Variants in DCST1 observed in about 807,000 individuals in gnomAD.
DCST1 encodes E3 ubiquitin-protein ligase DCST1.
A neutral mutation model predicts 89.1 loss-of-function variants in DCST1; 78 were observed. That is an observed-to-expected ratio of 0.88 (90% CI 0.73 to 1.06). The LOEUF (loss-of-function observed/expected upper bound fraction) is 1.06. DCST1 is among the 50% of genes least tolerant of loss of function. DCST1 has a pLI of 0.00. For missense variants in DCST1, 900 were observed against 928.6 expected, an observed-to-expected ratio of 0.97 and a Z score of 0.40; for synonymous variants, 364 against 371.9, an observed-to-expected ratio of 0.98 and a Z score of 0.24.
chr1:155,042,797 T>A lies in DCST1; in HGVS notation c.955T>A (p.Ser319Thr). The A allele has an allele frequency of 6.2e-7, 1 of 1,614,156 alleles. No homozygotes were observed. The highest frequency in any genetic ancestry group is 8.5e-7 in the Non-Finnish European group (1 of 1,180,034). The change falls in exon 9 of 17, where the codon TCC (serine) becomes ACC (threonine). Residue 319 changes from serine (S) to threonine (T), a missense_variant. Transcript: ENST00000295542. ...VEGNFGQTYD[S>T]LNQSIRGLDG... ...AGGCAACTTTGGGCAGACCTACGAC[T>A]CCCTCAACCAGTCTATTCGTGGCCT...
intron 16 of DCST1, among the ~76,000 whole-genome samples, chr1:155,048,611 A>G (rs1660741933): frequency 6.6e-6 from 1 of 152,166 alleles, no homozygotes; most frequent in Non-Finnish European, 1.5e-5. Flanking sequence ...AGCCCGGTGT[A>G]ATCTGATGCA....
At chr1:155,045,851 AACC>A in intron 10 of DCST1, 39 bp from the exon 11 acceptor site, 1 of 1,551,766 alleles carries the variant, frequency 6.4e-7, no homozygotes, top group Non-Finnish European at 8.9e-7. Flanking sequence ...AGATGAGGAG[AACC>A]TGGAAGAGAT....
In DCST1 at chr1:155,042,887, G is replaced by T. The variant is rs761531818; in HGVS notation, c.1014+31G>T. On this transcript the variant is annotated intron_variant, in intron 9 of 16. Transcript: ENST00000295542. ...AGGCAAGGGCGAGGGTTGGTGGGGG[G>T]TAGATAGGGAGTGGGAGGAGGGCAT... 6.2e-6 allele frequency: 10 copies of T among 1,612,462 alleles called. No individual in the cohort carries two copies. The Middle Eastern group carries it at 9.9e-4, about 160-fold the overall frequency.
chr1:155,034,248 G>A, intron 2 of DCST1, 151 bp downstream of exon 2: 1 of 1,544,130 alleles, frequency 6.5e-7, no homozygotes, highest in South Asian at 1.1e-5. Flanking sequence ...CCCAGCCCTT[G>A]CCTTTGCTGT....
At chr1:155,046,055 T>C in intron 11 of DCST1, 63 bp downstream of exon 11, 1 of 1,613,504 alleles carries the variant, frequency 6.2e-7, no homozygotes, top group Admixed American at 1.7e-5. Context: ...GGGTTCATGC[T>C]CCAGGAAGGC....
intron 4 of DCST1, 47 bp from the exon 5 acceptor site, chr1:155,039,356 G>C (rs770195438): frequency 2.7e-6 from 4 of 1,470,258 alleles, no homozygotes; most frequent in Non-Finnish European, 2.7e-6. Context: ...GAGGAAGGGA[G>C]GCAGCTTCCT....
At chr1:155,037,231 G>A (rs911667572) in intron 4 of DCST1, among the ~76,000 whole-genome samples, 1 of 152,088 alleles carries the variant, frequency 6.6e-6, no homozygotes, top group African/African-American at 2.4e-5. Context: ...GAGCCCTGGA[G>A]TGGCCTCATG....
upstream of DCST1, chr1:155,033,808 A>G: frequency 6.7e-7 from 1 of 1,494,648 alleles, no homozygotes; most frequent in Non-Finnish European, 9.0e-7. Flanking sequence ...TTCACTGCAT[A>G]TGTCTTGGAA....
chr1:155,050,855 C>T lies in DCST1; in HGVS notation c.2108C>T (p.Ala703Val). The T allele has an allele frequency of 1.2e-6, 2 of 1,609,992 alleles. No individual in the cohort carries two copies. Among genetic ancestry groups the T allele is most frequent in the South Asian group, 2.2e-5 (2 of 90,982 alleles). ...SAFSDSNDDTAYAG is the reference protein window; with the variant it reads ...SAFSDSNDDTVYAG ...TTTAGTGACAGCAACGACGACACTG[C>T]CTACGCGGGGTGAAGAGGCGTCCTG... The change falls in exon 17 of 17, where the codon GCC (alanine) becomes GTC (valine). Residue 703 changes from alanine (A) to valine (V), a missense_variant. Coordinates refer to ENST00000295542, the MANE Select transcript of DCST1 (RefSeq NM_152494.4).
rs1442240890 is a variant in DCST1 at position 155,048,319 on chromosome 1, TCTCAC to T, written c.1869+150_1869+154del. On this transcript the variant is annotated intron_variant, in intron 16 of 16. Transcript: ENST00000295542. ...GTTCTTTTTATTTTTTGAGATGGAATCTCACTGTGTCGCCCAGGCTGGAGTGCAGT... is the reference window on the plus strand; with the variant it reads ...GTTCTTTTTATTTTTTGAGATGGAATTGTGTCGCCCAGGCTGGAGTGCAGT... The T allele has an allele frequency of 4.5e-6, 3 of 663,026 alleles. No individual in the cohort carries two copies. The African/African-American group carries it at 5.4e-5, about 12-fold the overall frequency. 41.1% of individuals were successfully genotyped at this position (663,026 alleles called of 1,614,324 possible). A position where few individuals can be genotyped will look rare whatever the true frequency, so the allele number is the denominator to read the frequency against.
intron 10 of DCST1, among the ~76,000 whole-genome samples, chr1:155,043,721 C>T (rs954220752): frequency 1.3e-5 from 2 of 152,188 alleles, no homozygotes; most frequent in Admixed American, 1.3e-4. Context: ...AAAAGGCCAA[C>T]CGTCTTCATT....
chr1:155,033,857 AG>A lies in DCST1; in HGVS notation c.-66+5del, dbSNP rs1383333165. 3.1e-6 allele frequency: 4 copies of A among 1,297,600 alleles called. No individual in the cohort carries two copies. The highest frequency in any genetic ancestry group is 3.2e-6 in the Non-Finnish European group (3 of 944,378). The allele number at this position is 1,297,600 out of a possible 1,614,324, so 80.4% of individuals were successfully genotyped here. A position where few individuals can be genotyped will look rare whatever the true frequency, so the allele number is the denominator to read the frequency against. ...TCCGAGGACTGGAGAGGGGATAGGT[AG>A]GTCTCTAATCTCCTTCCCCACTTCT... On this transcript the variant is annotated splice_donor_region_variant and intron_variant, in intron 1 of 16. Transcript: ENST00000295542.
intron 16 of DCST1, 66 bp from the exon 17 acceptor site, chr1:155,050,551 C>T (rs1455822208): frequency 6.8e-7 from 1 of 1,480,818 alleles, no homozygotes; most frequent in South Asian, 1.3e-5. Flanking sequence ...AGACAGGAAA[C>T]GCTGTCCAGT....
intron 10 of DCST1, chr1:155,045,244 G>C (rs1660579169): frequency 6.5e-6 from 1 of 152,868 alleles, no homozygotes; most frequent in Non-Finnish European, 1.5e-5. Flanking sequence ...AAACACATTT[G>C]CAGTAATTAA....
At chr1:155,034,756 T>C in intron 4 of DCST1, 29 bp downstream of exon 4, 1 of 1,612,820 alleles carries the variant, frequency 6.2e-7, no homozygotes, top group South Asian at 1.1e-5. Flanking sequence ...CCAGGAACAC[T>C]CAAGCGGCCT....
At chr1:155,033,917 G>A (rs954460530) in intron 1 of DCST1, 55 bp from the exon 2 acceptor site, 37 of 1,403,934 alleles carry the variant, frequency 2.6e-5, no homozygotes, top group Non-Finnish European at 3.5e-5. Context: ...CAGAGCTCAG[G>A]CCTAGGCTTC....
intron 5 of DCST1, among the ~76,000 whole-genome samples, chr1:155,039,883 C>T (rs980896008): frequency 7.6e-5 from 11 of 145,616 alleles, no homozygotes; most frequent in South Asian, 2.2e-4. Context: ...CCCAGCTATT[C>T]GGGAGGCTGA....
chr1:155,043,550 C>T (rs557990994), intron 10 of DCST1, 41 bp downstream of exon 10: 17 of 1,532,290 alleles, frequency 1.1e-5, no homozygotes, highest in East Asian at 2.3e-5. Context: ...TCCTCTGCCC[C>T]GGACTGGAGC....
chr1:155,040,439 G>C, intron 5 of DCST1, 46 bp from the exon 6 acceptor site: 2 of 1,564,208 alleles, frequency 1.3e-6, no homozygotes, highest in Non-Finnish European at 1.7e-6. Flanking sequence ...GTTTGAGAAA[G>C]TGCTGGTTAT....
Sources: gnomAD v4.1 joint callset for allele counts (sites outside exome capture counted in the v4.1 genomes callset) on GRCh38, gnomAD v4.1.1 for gene constraint, MANE v1.5 for transcripts, NCBI Gene and HGNC (gene_info 2026-07-23, HGNC 2026-07-21) for gene names.